GRIK1: variants seen among roughly 807,000 people sequenced by gnomAD.
The protein encoded by GRIK1 is glutamate receptor ionotropic, kainate 1.
Under a neutral mutation model 105.7 loss-of-function variants are expected in GRIK1, and 69 were observed. The ratio of observed to expected loss-of-function variants is 0.65; its 90% CI spans 0.54 to 0.80. The LOEUF (loss-of-function observed/expected upper bound fraction) is 0.80, where lower values mean the gene tolerates loss of function less well. Among genes scored for constraint, GRIK1 ranks in the 30% least tolerant of loss-of-function variants. GRIK1 has a pLI of 0.00. For synonymous variants in GRIK1, 438 were observed against 431.3 expected (o/e 1.02, Z -0.19); for missense variants, 1,109 against 1,167.3 (o/e 0.95, Z 0.73).
intron 4 of GRIK1, 104 bp from the exon 5 acceptor site, chr21:29,654,967 G>C: frequency 1.3e-6 from 1 of 793,914 alleles, no homozygotes; most frequent in South Asian, 1.4e-5. Context: ...AACAGGAAGG[G>C]ACTTTGGAAA....
intron 1 of GRIK1, among the ~76,000 whole-genome samples, chr21:29,728,427 A>G (rs961702668): frequency 1.3e-5 from 2 of 152,202 alleles, no homozygotes; most frequent in Admixed American, 1.3e-4. Context: ...GGAACAAAGT[A>G]AGAATACAAT....
At chr21:29,868,499 C>G (rs1030300033) in intron 1 of GRIK1, among the ~76,000 whole-genome samples, 1 of 151,860 alleles carries the variant, frequency 6.6e-6, no homozygotes, top group East Asian at 1.9e-4. Flanking sequence ...TTCTTGAAAC[C>G]TTTTTTCTCT....
At chr21:29,698,908 C>T (rs1000043119) in intron 1 of GRIK1, among the ~76,000 whole-genome samples, 1 of 152,140 alleles carries the variant, frequency 6.6e-6, no homozygotes, top group African/African-American at 2.4e-5. Context: ...TTGTAAACAC[C>T]AGAATAGATA....
intron 1 of GRIK1, among the ~76,000 whole-genome samples, chr21:29,761,753 C>CTTT (rs57193884): frequency 1.8e-3 from 246 of 138,538 alleles, no homozygotes; most frequent in African/African-American, 5.9e-3. Flanking sequence ...TTCTTTCGTT[C>CTTT]TTTTTTTTTT....
chr21:29,924,390 A>G (rs1461663344), intron 1 of GRIK1, among the ~76,000 whole-genome samples: 2 of 151,964 alleles, frequency 1.3e-5, no homozygotes. Flanking sequence ...AAGGGTTGTG[A>G]TGAAGTGATG....
intron 7 of GRIK1, among the ~76,000 whole-genome samples, chr21:29,609,050 C>T (rs1205286461): frequency 1.3e-5 from 2 of 150,962 alleles, no homozygotes; most frequent in Non-Finnish European, 3.0e-5. Flanking sequence ...ATACCTGGGT[C>T]ATTTCTTTTA....
In GRIK1 at chr21:29,596,717, C is replaced by T. The variant is rs768681895; in HGVS notation, c.1207-147G>A. On this transcript the variant is annotated intron_variant, in intron 8 of 17. Coordinates refer to ENST00000327783, the MANE Select transcript of GRIK1 (RefSeq NM_001330994.2). ...ATTTGCATCTTAATTCAATATAAAG[C>T]CTGACAATAGGTACAGCAAAGAGAC... 251 of 696,030 alleles carry T rather than the reference C, an allele frequency of 3.6e-4. 1 individual carries two copies. The highest frequency in any genetic ancestry group is 8.3e-5 in the Non-Finnish European group (32 of 385,318). 43.1% of individuals were successfully genotyped at this position (696,030 alleles called of 1,614,324 possible).
chr21:29,802,404 C>T (rs1354991281), intron 1 of GRIK1, among the ~76,000 whole-genome samples: 1 of 152,128 alleles, frequency 6.6e-6, no homozygotes, highest in Non-Finnish European at 1.5e-5. Flanking sequence ...CAGTCTCTCT[C>T]TCTTTCTCTG....
chr21:29,752,383 T>C (rs1010053807), intron 1 of GRIK1, among the ~76,000 whole-genome samples: 1 of 152,212 alleles, frequency 6.6e-6, no homozygotes, highest in Non-Finnish European at 1.5e-5. Flanking sequence ...AAAAATTGTA[T>C]TCTTTGATTA....
At chr21:29,901,325 C>G (rs1569203561) in intron 1 of GRIK1, among the ~76,000 whole-genome samples, 1 of 152,030 alleles carries the variant, frequency 6.6e-6, no homozygotes, top group East Asian at 1.9e-4. Flanking sequence ...CATAGAGACA[C>G]AAAATACCCT....
intron 7 of GRIK1, chr21:29,630,852 T>G (rs1034955264): frequency 5.9e-6 from 2 of 336,906 alleles, no homozygotes; most frequent in African/African-American, 4.4e-5. Context: ...TAGGCTGGAG[T>G]GCAGTGGCGA....
intron 17 of GRIK1, 191 bp from the exon 18 acceptor site, chr21:29,537,576 G>T: frequency 1.5e-6 from 1 of 664,962 alleles, no homozygotes. Flanking sequence ...AAACTGAGAT[G>T]GCAAGTTAGC....
intron 7 of GRIK1, among the ~76,000 whole-genome samples, chr21:29,639,357 A>G (rs2062462527): frequency 6.6e-6 from 1 of 152,234 alleles, no homozygotes; most frequent in South Asian, 2.1e-4. Context: ...ACGTGGAAAC[A>G]AACACAATAG....
intron 1 of GRIK1, among the ~76,000 whole-genome samples, chr21:29,898,972 CA>C (rs35671611): frequency 4.9e-4 from 71 of 145,154 alleles, no homozygotes; most frequent in South Asian, 6.5e-4. Flanking sequence ...AACTCCGTCT[CA>C]AAAAAAAAAA....
chr21:29,865,571 C>T (rs1223494436), intron 1 of GRIK1, among the ~76,000 whole-genome samples: 1 of 152,130 alleles, frequency 6.6e-6, no homozygotes, highest in Non-Finnish European at 1.5e-5. Context: ...TCAGCAAGGG[C>T]ACTAATTTTG....
chr21:29,689,728 CT>C lies in GRIK1; in HGVS notation c.543del (p.Gly182ValfsTer2). ...GTGAGGTCTTGTGTGAGTCCCATAC[CT>C]GTGCTGTCTTCATACACCACTGTCA... ...KTVTVVYEDS[T>X]GLIRLQELIK... On this transcript the variant is annotated frameshift_variant and splice_region_variant, in exon 3 of 18. Transcript: ENST00000327783. LOFTEE classifies it high-confidence loss of function. 6.2e-7 allele frequency: 1 copy of C among 1,613,828 alleles called. No individual in the cohort carries two copies. Among genetic ancestry groups the C allele is most frequent in the Non-Finnish European group, 8.5e-7 (1 of 1,179,732 alleles).
In GRIK1 at chr21:29,727,893, C is replaced by T. The variant is rs186908133; in HGVS notation, c.119-33830G>A. Among the ~76,000 whole-genome samples the T allele has an allele frequency of 3.5e-3, 538 of 152,244 alleles. 1 individual carries two copies. The highest frequency in any genetic ancestry group is 4.5e-3 in the Non-Finnish European group (308 of 68,018). On this transcript the variant is annotated intron_variant, in intron 1 of 17. Transcript: ENST00000327783. Reference sequence around the variant, plus strand: ...AATCTGCCGCCTGTAAGCGGAGCCCCGGAAAAGCCAGTCTGAGTCCAAAGG... The same window carrying T: ...AATCTGCCGCCTGTAAGCGGAGCCCTGGAAAAGCCAGTCTGAGTCCAAAGG...
chr21:29,567,729 C>A (rs2300305), intron 14 of GRIK1, among the ~76,000 whole-genome samples: 1 of 151,976 alleles, frequency 6.6e-6, no homozygotes, highest in Non-Finnish European at 1.5e-5. Context: ...TTCATACTTG[C>A]GAAATAGGTA....
intron 7 of GRIK1, among the ~76,000 whole-genome samples, chr21:29,606,261 G>A (rs2061613156): frequency 6.6e-6 from 1 of 151,966 alleles, no homozygotes; most frequent in African/African-American, 2.4e-5. Flanking sequence ...TTGACCTATC[G>A]GACATTGGCC....
Sources: gnomAD v4.1 joint callset for allele counts (sites outside exome capture counted in the v4.1 genomes callset) on GRCh38, gnomAD v4.1.1 for gene constraint, MANE v1.5 for transcripts, NCBI Gene and HGNC (gene_info 2026-07-23, HGNC 2026-07-21) for gene names.